Variants in LTBP1 observed in about 807,000 individuals in gnomAD.
LTBP1 encodes the protein latent-transforming growth factor beta-binding protein 1.
LTBP1 carries 129 observed loss-of-function variants against 207.6 expected under a neutral mutation model. The observed-to-expected ratio is 0.62, with a 90% confidence interval of 0.54 to 0.72. LTBP1 has a LOEUF of 0.72. LTBP1 is among the 30% of genes least tolerant of loss of function. The pLI, the probability that LTBP1 is intolerant of heterozygous loss-of-function variation, is 0.00. For synonymous variants in LTBP1, 963 were observed against 833.7 expected (o/e 1.16, Z -2.67); for missense variants, 2,281 against 2,217.2 (o/e 1.03, Z -0.58).
chr2:32,989,977 C>T (rs1684160275), intron 2 of LTBP1, among the ~76,000 whole-genome samples: 2 of 152,156 alleles, frequency 1.3e-5, no homozygotes, highest in African/African-American at 2.4e-5. Flanking sequence ...CAAATAATAG[C>T]ACCTGTAATT....
At chr2:33,348,604 G>A (rs112357500) in intron 26 of LTBP1, among the ~76,000 whole-genome samples, 2,186 of 152,236 alleles carry the variant, frequency 0.014, 54 homozygotes, top group African/African-American at 0.05. Flanking sequence ...TTAACTAAGT[G>A]TCTTTTTCTT....
intron 2 of LTBP1, among the ~76,000 whole-genome samples, chr2:32,959,227 G>C (rs1025485410): frequency 6.6e-6 from 1 of 152,116 alleles, no homozygotes; most frequent in African/African-American, 2.4e-5. Context: ...TTGGAGGAAG[G>C]TGTTGCTATC....
At chr2:33,377,172 A>T (rs2095151175) in intron 31 of LTBP1, among the ~76,000 whole-genome samples, 1 of 152,210 alleles carries the variant, frequency 6.6e-6, no homozygotes, top group Non-Finnish European at 1.5e-5. Context: ...CTGAAGACAG[A>T]GCTCTGGAGG....
At chr2:33,258,987 T>G (rs1476312800) in intron 12 of LTBP1, among the ~76,000 whole-genome samples, 1 of 152,230 alleles carries the variant, frequency 6.6e-6, no homozygotes, top group Non-Finnish European at 1.5e-5. Context: ...ATGTATAATT[T>G]GTTCAGTATA....
At chr2:33,335,334 G>GT (rs113056752) in intron 24 of LTBP1, among the ~76,000 whole-genome samples, 20,380 of 152,022 alleles carry the variant, frequency 0.13, 2,410 homozygotes, top group African/African-American at 0.31. Context: ...AGGTCCCCGT[G>GT]TTTTTTTCCT....
At chr2:32,955,246 G>A (rs1424721387) in intron 2 of LTBP1, among the ~76,000 whole-genome samples, 1 of 152,174 alleles carries the variant, frequency 6.6e-6, no homozygotes, top group Non-Finnish European at 1.5e-5. Context: ...AGCAAGGCAG[G>A]AACCCTCTAA....
chr2:33,155,585 A>C (rs1283697966), intron 5 of LTBP1, among the ~76,000 whole-genome samples: 1 of 152,020 alleles, frequency 6.6e-6, no homozygotes, highest in African/African-American at 2.4e-5. Context: ...TTTACCTATT[A>C]GATTCAAGTA....
At chr2:33,037,143 T>A (rs2075964268) in intron 3 of LTBP1, among the ~76,000 whole-genome samples, 1 of 152,120 alleles carries the variant, frequency 6.6e-6, no homozygotes, top group East Asian at 1.9e-4. Flanking sequence ...TTAGCACTAT[T>A]TATTGACTAA....
chr2:32,980,916 G>A (rs924931670), intron 2 of LTBP1, among the ~76,000 whole-genome samples: 1 of 152,174 alleles, frequency 6.6e-6, no homozygotes, highest in Non-Finnish European at 1.5e-5. Context: ...CTCCTGGCCT[G>A]TAAGGTTTCC....
intron 3 of LTBP1, among the ~76,000 whole-genome samples, chr2:33,082,440 T>A (rs981487163): frequency 0.62 from 60,631 of 98,532 alleles, 19,845 homozygotes; most frequent in Middle Eastern, 0.74. Context: ...CACTTTTTTT[T>A]TTTTTTTTTT....
Position 33,171,652 on chromosome 2 carries a change from G to C in LTBP1, c.1202-15204G>C, listed in dbSNP as rs954194191. ...CCAACATTCAGATTCAGGAAATACAGAGAACGCCACAAAGATACTCCTTGA... is the reference window on the plus strand; with the variant it reads ...CCAACATTCAGATTCAGGAAATACACAGAACGCCACAAAGATACTCCTTGA... On this transcript the variant is annotated intron_variant, in intron 5 of 33. Transcript: ENST00000404816. Among the ~76,000 whole-genome samples, 141 of 152,018 alleles carry C rather than the reference G, an allele frequency of 9.3e-4. 1 individual carries two copies. The highest frequency in any genetic ancestry group is 4.9e-3 in the Admixed American group (75 of 15,260).
chr2:33,203,642 A>G (rs1404403074), intron 7 of LTBP1, among the ~76,000 whole-genome samples: 11 of 151,938 alleles, frequency 7.2e-5, no homozygotes, highest in Admixed American at 7.2e-4. Flanking sequence ...TTTTCATTTT[A>G]TTGGCAATTA....
chr2:33,377,501 T>C (rs1208481536), intron 31 of LTBP1, among the ~76,000 whole-genome samples: 1 of 152,234 alleles, frequency 6.6e-6, no homozygotes, highest in Non-Finnish European at 1.5e-5. Context: ...AGAGCTATAC[T>C]GCATGGAAGT....
intron 9 of LTBP1, among the ~76,000 whole-genome samples, chr2:33,241,497 G>A (rs748639472): frequency 6.6e-6 from 1 of 152,178 alleles, no homozygotes; most frequent in Admixed American, 6.5e-5. Flanking sequence ...TGAGTCTGGG[G>A]GGAAACCTCT....
intron 2 of LTBP1, among the ~76,000 whole-genome samples, chr2:32,989,581 A>G (rs1378626891): frequency 6.6e-6 from 1 of 152,200 alleles, no homozygotes; most frequent in African/African-American, 2.4e-5. Context: ...TGGACAAGGA[A>G]AAGCCCAGGG....
chr2:33,195,213 T>C (rs1387566319), intron 7 of LTBP1, among the ~76,000 whole-genome samples: 1 of 152,238 alleles, frequency 6.6e-6, no homozygotes, highest in African/African-American at 2.4e-5. Context: ...ATTTGGACTT[T>C]CAAGTCTTAT....
chr2:33,264,491 A>G (rs1295077432), intron 15 of LTBP1, among the ~76,000 whole-genome samples: 1 of 152,200 alleles, frequency 6.6e-6, no homozygotes, highest in Non-Finnish European at 1.5e-5. Flanking sequence ...AAACAAATGC[A>G]AAATTCTAAA....
intron 3 of LTBP1, among the ~76,000 whole-genome samples, chr2:33,069,463 A>G (rs558661725): frequency 6.6e-6 from 1 of 152,328 alleles, no homozygotes; most frequent in African/African-American, 2.4e-5. Flanking sequence ...GAGGGCAACA[A>G]GCAAGTCTGA....
intron 15 of LTBP1, among the ~76,000 whole-genome samples, chr2:33,271,642 A>T (rs766210405): frequency 2.3e-4 from 35 of 152,190 alleles, no homozygotes; most frequent in Non-Finnish European, 4.4e-4. Context: ...TAAAAATTTT[A>T]AAAAGTACCA....
Sources: allele counts gnomAD v4.1 joint callset (sites outside exome capture counted in the v4.1 genomes callset), GRCh38; gene constraint gnomAD v4.1.1; transcripts MANE v1.5; gene names NCBI Gene and HGNC (gene_info 2026-07-23, HGNC 2026-07-21).